Variants in USH2A observed in about 807,000 individuals in gnomAD.
The protein encoded by USH2A is Usher syndrome 2A (autosomal recessive, mild).
In USH2A, 443 loss-of-function variants were observed where a neutral mutation model predicts 538.9. That is an observed-to-expected ratio of 0.82 (90% CI 0.76 to 0.89). The LOEUF (loss-of-function observed/expected upper bound fraction) is 0.89. USH2A is among the 40% of genes least tolerant of loss of function. The pLI, the probability that USH2A is intolerant of heterozygous loss-of-function variation, is 0.00. For synonymous variants in USH2A, 2,413 were observed against 2,273.5 expected (o/e 1.06, Z -1.75); for missense variants, 6,633 against 6,324.8 (o/e 1.05, Z -1.65).
chr1:215,807,070 T>C (rs936452455), intron 49 of USH2A, among the ~76,000 whole-genome samples: 1 of 152,028 alleles, frequency 6.6e-6, no homozygotes, highest in Non-Finnish European at 1.5e-5. Flanking sequence ...CAAAGGGGAA[T>C]GAAGACAACA....
intron 9 of USH2A, among the ~76,000 whole-genome samples, chr1:216,308,909 C>T (rs898797143): frequency 2.0e-5 from 3 of 152,158 alleles, no homozygotes; most frequent in Non-Finnish European, 4.4e-5. Flanking sequence ...GTCTCTCACA[C>T]CCTCAGCACA....
intron 21 of USH2A, among the ~76,000 whole-genome samples, chr1:216,120,235 A>AAAAAAAAAAAAAAAAAAAT: frequency 2.4e-5 from 1 of 41,880 alleles, no homozygotes; most frequent in Admixed American, 1.9e-4. Context: ...AAAAAAAAAA[A>AAAAAAAAAAAAAAAAAAAT]AAAAAAAAAA....
intron 49 of USH2A, among the ~76,000 whole-genome samples, chr1:215,805,130 G>C (rs188930143): frequency 2.2e-4 from 34 of 151,892 alleles, no homozygotes; most frequent in African/African-American, 8.0e-4. Flanking sequence ...ACAGGGGCCT[G>C]TTGTGGGGTG....
chr1:216,171,855 A>G (rs781366353), intron 21 of USH2A, among the ~76,000 whole-genome samples: 8 of 152,134 alleles, frequency 5.3e-5, no homozygotes, highest in Non-Finnish European at 1.0e-4. Flanking sequence ...TCTTCTTCGA[A>G]GTCCTCATAA....
chr1:216,074,349 T>TCTCC (rs1553298427), intron 27 of USH2A, among the ~76,000 whole-genome samples: 1 of 148,302 alleles, frequency 6.7e-6, no homozygotes, highest in Non-Finnish European at 1.5e-5. Context: ...TCTCTCTCTC[T>TCTCC]CCGAACAAAA....
chr1:216,373,831 T>C (rs2038762909), intron 3 of USH2A, among the ~76,000 whole-genome samples: 1 of 151,904 alleles, frequency 6.6e-6, no homozygotes, highest in Non-Finnish European at 1.5e-5. Context: ...CTATTCACAA[T>C]AGCAAAGATT....
intron 44 of USH2A, among the ~76,000 whole-genome samples, chr1:215,847,246 C>T (rs1364865386): frequency 2.0e-5 from 3 of 152,166 alleles, no homozygotes; most frequent in East Asian, 3.9e-4. Flanking sequence ...GCTCTACTTA[C>T]ATCAGTATTA....
intron 11 of USH2A, among the ~76,000 whole-genome samples, chr1:216,256,945 G>C (rs1558347614): frequency 6.6e-6 from 1 of 151,636 alleles, no homozygotes; most frequent in Non-Finnish European, 1.5e-5. Context: ...AAGGGTCAAG[G>C]GTACTTCCTT....
At chr1:216,277,136 TAA>T (rs1448706017) in intron 11 of USH2A, among the ~76,000 whole-genome samples, 1 of 152,178 alleles carries the variant, frequency 6.6e-6, no homozygotes, top group Non-Finnish European at 1.5e-5. Flanking sequence ...CTAAAAGTCT[TAA>T]AATACTCATA....
chr1:216,066,339 G>T (rs963499449), intron 30 of USH2A, among the ~76,000 whole-genome samples: 24 of 152,060 alleles, frequency 1.6e-4, no homozygotes, highest in African/African-American at 5.1e-4. Flanking sequence ...GGGCGTGGAG[G>T]TCTGTAGTCC....
chr1:215,774,987 A>C (rs945907861), intron 55 of USH2A, among the ~76,000 whole-genome samples: 1 of 150,544 alleles, frequency 6.6e-6, no homozygotes. Flanking sequence ...ACAAATTCTT[A>C]TCTCTATTTT....
intron 60 of USH2A, among the ~76,000 whole-genome samples, chr1:215,740,555 A>G (rs1292228042): frequency 6.6e-6 from 1 of 152,250 alleles, no homozygotes; most frequent in Admixed American, 6.5e-5. Context: ...ACTGGAGAGG[A>G]GAGCCCCTTT....
chr1:215,777,574 A>G (rs1661501439), intron 55 of USH2A, among the ~76,000 whole-genome samples: 1 of 152,178 alleles, frequency 6.6e-6, no homozygotes, highest in Non-Finnish European at 1.5e-5. Flanking sequence ...GCTTACTCCA[A>G]GTGACTCATT....
intron 20 of USH2A, among the ~76,000 whole-genome samples, chr1:216,184,921 TGTA>T (rs1336622696): frequency 5.9e-5 from 9 of 151,962 alleles, no homozygotes; most frequent in Non-Finnish European, 1.5e-5. Flanking sequence ...CTTCTAAGCT[TGTA>T]GTATGGAGGT....
At chr1:215,789,648 A>G (rs1428066107) in intron 51 of USH2A, among the ~76,000 whole-genome samples, 1 of 152,170 alleles carries the variant, frequency 6.6e-6, no homozygotes, top group Non-Finnish European at 1.5e-5. Flanking sequence ...TGCTGGATCT[A>G]AGGTCTCTAT....
chr1:215,627,783 C>G (rs1352316045), intron 71 of USH2A, among the ~76,000 whole-genome samples: 1 of 152,200 alleles, frequency 6.6e-6, no homozygotes, highest in Non-Finnish European at 1.5e-5. Flanking sequence ...CCACCTCGGC[C>G]TCCCAAAATG....
intron 32 of USH2A, among the ~76,000 whole-genome samples, chr1:216,007,350 A>T (rs541285222): frequency 2.0e-5 from 3 of 150,152 alleles, no homozygotes; most frequent in African/African-American, 7.4e-5. Context: ...CAGGAGGCAG[A>T]AAAAAAAACA....
At chr1:215,913,642 C>T (rs1268057241) in intron 38 of USH2A, among the ~76,000 whole-genome samples, 1 of 151,984 alleles carries the variant, frequency 6.6e-6, no homozygotes, top group African/African-American at 2.4e-5. Context: ...AATATTGAGG[C>T]ACAGATGGTG....
intron 44 of USH2A, among the ~76,000 whole-genome samples, chr1:215,865,342 A>C (rs1301331216): frequency 1.3e-5 from 2 of 152,236 alleles, no homozygotes; most frequent in Non-Finnish European, 2.9e-5. Context: ...GGTTCAGATT[A>C]CCAAGGTAAT....
Sources: gnomAD v4.1 joint callset for allele counts (sites outside exome capture counted in the v4.1 genomes callset) on GRCh38, gnomAD v4.1.1 for gene constraint, MANE v1.5 for transcripts, NCBI Gene and HGNC (gene_info 2026-07-23, HGNC 2026-07-21) for gene names.